The following MYO18B variants were observed in gnomAD, a reference collection of about 807,000 sequenced individuals.
MYO18B encodes the protein myosin XVIIIB.
Under a neutral mutation model 273.0 loss-of-function variants are expected in MYO18B, and 204 were observed. That is an observed-to-expected ratio of 0.75 (90% confidence interval 0.67 to 0.84). The LOEUF (loss-of-function observed/expected upper bound fraction) is 0.84. Among genes scored for constraint, MYO18B ranks in the 40% least tolerant of loss-of-function variants. The pLI is 0.00. For synonymous variants in MYO18B, 1,330 were observed against 1,305.7 expected (o/e 1.02, Z -0.40); for missense variants, 3,212 against 3,287.6 (o/e 0.98, Z 0.56).
the MYO18B span, among the ~76,000 whole-genome samples, chr22:26,036,943 T>C: frequency 1.3e-5 from 2 of 152,316 alleles, no homozygotes; most frequent in African/African-American, 4.8e-5. Context: ...ATACCAGCCA[T>C]TGAGACTCAG....
chr22:25,871,761 G>A (rs924017208), intron 22 of MYO18B, among the ~76,000 whole-genome samples: 1 of 152,038 alleles, frequency 6.6e-6, no homozygotes, highest in African/African-American at 2.4e-5. Context: ...CGGCCTTCTG[G>A]TCGGCAATAT....
At chr22:26,034,094 A>T (rs182387446), downstream of MYO18B, among the ~76,000 whole-genome samples, 1 of 152,256 alleles carries the variant, frequency 6.6e-6, no homozygotes, top group East Asian at 1.9e-4. Flanking sequence ...CTGGGATTAC[A>T]GGCGCCCGCC....
chr22:25,973,692 T>C (rs912992225), intron 39 of MYO18B, among the ~76,000 whole-genome samples: 3 of 152,208 alleles, frequency 2.0e-5, no homozygotes, highest in African/African-American at 4.8e-5. Context: ...GGCTACCATA[T>C]TGGACAGCAG....
intron 31 of MYO18B, 132 bp from the exon 32 acceptor site, chr22:25,908,190 C>G: frequency 2.9e-6 from 2 of 685,924 alleles, no homozygotes; most frequent in South Asian, 3.5e-5. Flanking sequence ...TCCAGGATGC[C>G]TAGGGCAATA....
intron 12 of MYO18B, among the ~76,000 whole-genome samples, chr22:25,822,820 G>A (rs908998727): frequency 8.5e-5 from 13 of 152,238 alleles, no homozygotes; most frequent in Admixed American, 7.8e-4. Context: ...GCTGGGAAAC[G>A]TGACTGGGGG....
At chr22:26,036,335 T>C in the MYO18B span, among the ~76,000 whole-genome samples, 1 of 152,166 alleles carries the variant, frequency 6.6e-6, no homozygotes, top group Admixed American at 6.5e-5. Flanking sequence ...CTGTCACCCT[T>C]TGTTAAGAAT....
At chr22:25,817,461 C>T (rs1333147962) in intron 12 of MYO18B, among the ~76,000 whole-genome samples, 1 of 147,050 alleles carries the variant, frequency 6.8e-6, no homozygotes, top group Non-Finnish European at 1.5e-5. Flanking sequence ...CCTTCCCTTC[C>T]CCTTCCCTTT....
downstream of MYO18B, among the ~76,000 whole-genome samples, chr22:26,031,767 A>ACTGGAGACCTCACCGTCT (rs1936673886): frequency 6.6e-6 from 1 of 152,168 alleles, no homozygotes; most frequent in South Asian, 2.1e-4. Context: ...AGGGAAATTC[A>ACTGGAGACCTCACCGTCT]CTGGAGACCT....
At chr22:25,874,221 G>GCTC in intron 22 of MYO18B, 65 bp from the exon 23 acceptor site, 1 of 1,551,774 alleles carries the variant, frequency 6.4e-7, no homozygotes, top group African/African-American at 1.5e-5. Context: ...TGATTTGCAA[G>GCTC]CACCCCCCCA....
At chr22:25,743,890 C>T (rs1197364138) in intron 1 of MYO18B, among the ~76,000 whole-genome samples, 1 of 152,184 alleles carries the variant, frequency 6.6e-6, no homozygotes, top group Non-Finnish European at 1.5e-5. Flanking sequence ...TGACGACCTA[C>T]CCATCAGACT....
At chr22:25,809,711 A>C (rs998554640) in intron 12 of MYO18B, among the ~76,000 whole-genome samples, 2 of 152,050 alleles carry the variant, frequency 1.3e-5, no homozygotes, top group African/African-American at 4.8e-5. Flanking sequence ...AATATCAATA[A>C]TGACAAGGGC....
At chr22:25,947,531 C>G (rs2092727939) in intron 35 of MYO18B, among the ~76,000 whole-genome samples, 181 bp from the exon 36 acceptor site, 1 of 146,856 alleles carries the variant, frequency 6.8e-6, no homozygotes, top group Non-Finnish European at 1.5e-5. Context: ...CACACACACA[C>G]ACACACACAC....
intron 17 of MYO18B, among the ~76,000 whole-genome samples, chr22:25,836,787 C>G (rs1431475872): frequency 6.6e-6 from 1 of 151,918 alleles, no homozygotes. Flanking sequence ...GTGGTGAAAC[C>G]CCATCTCTAC....
chr22:25,991,489 T>G (rs1215297523), intron 39 of MYO18B, among the ~76,000 whole-genome samples: 2 of 152,218 alleles, frequency 1.3e-5, no homozygotes, highest in African/African-American at 4.8e-5. Context: ...AAATCACTCT[T>G]AGGTAACAAT....
At chr22:25,887,053 T>C (rs739282) in intron 25 of MYO18B, among the ~76,000 whole-genome samples, 52,170 of 152,054 alleles carry the variant, frequency 0.34, 9,159 homozygotes, top group East Asian at 0.44. Context: ...AATTGCAAAG[T>C]ATGGGAGGAG....
At chr22:25,957,213 C>G (rs1199065282) in intron 39 of MYO18B, among the ~76,000 whole-genome samples, 2 of 152,194 alleles carry the variant, frequency 1.3e-5, no homozygotes, top group Non-Finnish European at 2.9e-5. Flanking sequence ...GCATTCTGTC[C>G]AGATCAAATA....
chr22:25,894,506 C>T (rs2091748899), intron 27 of MYO18B, among the ~76,000 whole-genome samples: 1 of 152,188 alleles, frequency 6.6e-6, no homozygotes, highest in Non-Finnish European at 1.5e-5. Flanking sequence ...TTTAATCAAA[C>T]CAGCCAATAA....
chr22:25,867,229 A>G (rs1378314497), intron 21 of MYO18B, among the ~76,000 whole-genome samples: 2 of 152,214 alleles, frequency 1.3e-5, no homozygotes, highest in Non-Finnish European at 2.9e-5. Flanking sequence ...CATCTGCACA[A>G]CGCTCTTCCT....
chr22:25,788,953 C>T (rs1256765945), intron 11 of MYO18B, among the ~76,000 whole-genome samples: 2 of 152,214 alleles, frequency 1.3e-5, no homozygotes, highest in Non-Finnish European at 2.9e-5. Context: ...TCCACCTTGA[C>T]CTCAAATGAA....
Sources: allele counts gnomAD v4.1 joint callset (sites outside exome capture counted in the v4.1 genomes callset), GRCh38; gene constraint gnomAD v4.1.1; transcripts MANE v1.5; gene names NCBI Gene and HGNC (gene_info 2026-07-23, HGNC 2026-07-21).